Variants in KIF15 observed in about 807,000 individuals in gnomAD.
KIF15 encodes the protein kinesin-like protein KIF15.
A neutral mutation model predicts 190.6 loss-of-function variants in KIF15; 140 were observed. That is an observed-to-expected ratio of 0.73 (90% confidence interval 0.64 to 0.84). The LOEUF is 0.84. Among genes scored for constraint, KIF15 ranks in the 40% least tolerant of loss-of-function variants. The probability of loss-of-function intolerance (pLI) is 0.00; values close to 1 mark genes in which losing one functional copy is unlikely to be tolerated. For missense variants in KIF15, 1,372 were observed against 1,584.4 expected (o/e 0.87, Z 2.28); for synonymous variants, 528 against 551.3 (o/e 0.96, Z 0.59).
chr3:44,771,269 T>C (rs922615510), intron 1 of KIF15, among the ~76,000 whole-genome samples: 2 of 152,152 alleles, frequency 1.3e-5, no homozygotes, highest in African/African-American at 4.8e-5. Flanking sequence ...GATGGGGCCC[T>C]AAGATAATTT....
At chr3:44,827,881 ACCATGTTG>A (rs1365960568) in intron 23 of KIF15, among the ~76,000 whole-genome samples, 2 of 151,920 alleles carry the variant, frequency 1.3e-5, no homozygotes, top group Non-Finnish European at 2.9e-5. Flanking sequence ...ATGGGGTTTC[ACCATGTTG>A]CCCAGGATCG....
At chr3:44,849,659 G>A (rs1698991360) in intron 32 of KIF15, among the ~76,000 whole-genome samples, 2 of 151,628 alleles carry the variant, frequency 1.3e-5, no homozygotes, top group Admixed American at 6.6e-5. Context: ...ATTTTATATT[G>A]ATTTAATATA....
chr3:44,866,796 A>G (rs962078557), intron 6 of KIF15, among the ~76,000 whole-genome samples: 47 of 152,090 alleles, frequency 3.1e-4, no homozygotes, highest in African/African-American at 1.1e-3. Context: ...CTTAGTACCC[A>G]TCTCCCTCAT....
intron 22 of KIF15, chr3:44,827,085 A>G (rs1340452189): frequency 2.2e-6 from 1 of 457,356 alleles, no homozygotes; most frequent in Admixed American, 2.4e-5. Flanking sequence ...ATTTATTGAT[A>G]TCCAACAAGC....
chr3:44,769,588 G>A (rs1408678500), intron 1 of KIF15, among the ~76,000 whole-genome samples: 3 of 152,178 alleles, frequency 2.0e-5, no homozygotes, highest in Admixed American at 2.0e-4. Flanking sequence ...CAGGAGGCTT[G>A]GCTTAATCGG....
At chr3:44,854,372 GAAAA>G, downstream of KIF15, among the ~76,000 whole-genome samples, 1 of 102,984 alleles carries the variant, frequency 9.7e-6, no homozygotes, top group African/African-American at 3.6e-5. Context: ...GCAACAGAGT[GAAAA>G]AAAAAAAAAA....
At chr3:44,789,633 T>C (rs2125920925) in intron 7 of KIF15, among the ~76,000 whole-genome samples, 1 of 132,114 alleles carries the variant, frequency 7.6e-6, no homozygotes, top group East Asian at 2.1e-4. Flanking sequence ...TTGCGATTTT[T>C]GTCTAATTTT....
In KIF15 at chr3:44,810,978, C is replaced by T; in HGVS notation, c.2104C>T (p.Pro702Ser). 2.7e-5 allele frequency: 44 copies of T among 1,613,738 alleles called. No individual in the cohort carries two copies. Among genetic ancestry groups the T allele is most frequent in the Non-Finnish European group, 3.7e-5 (44 of 1,179,792 alleles). Residue 702 changes from proline (P) to serine (S), a missense_variant, in exon 17 of 35, where the codon CCA (proline) becomes TCA (serine). By Grantham distance (74) the Pro-to-Ser change is moderately conservative. Coordinates refer to ENST00000326047, the MANE Select transcript of KIF15 (RefSeq NM_020242.3). Reference protein sequence around the residue: ...SILDNDILNEPVPPEMNEQAF... With the variant: ...SILDNDILNESVPPEMNEQAF... ...ATTAGATAATGATATATTAAATGAG[C>T]CAGTTCCTCCTGAGATGAATGAACA... is the stretch of plus-strand genomic sequence containing the variant.
chr3:44,817,717 A>G (rs1387014732), intron 20 of KIF15, among the ~76,000 whole-genome samples: 3 of 152,128 alleles, frequency 2.0e-5, no homozygotes, highest in Non-Finnish European at 4.4e-5. Flanking sequence ...TTGTCTTGGC[A>G]ATGCGGGCTC....
At chr3:44,765,149 T>C (rs536079997) in intron 1 of KIF15, among the ~76,000 whole-genome samples, 2 of 152,268 alleles carry the variant, frequency 1.3e-5, no homozygotes, top group Non-Finnish European at 2.9e-5. Context: ...TGTGTAGTTT[T>C]AAATTTCACT....
chr3:44,853,743 G>T (rs376237262), downstream of KIF15, among the ~76,000 whole-genome samples: 9 of 152,194 alleles, frequency 5.9e-5, no homozygotes, highest in African/African-American at 2.2e-4. Flanking sequence ...AGCCATCCTA[G>T]GTGTGTAGTT....
chr3:44,835,368 T>C (rs187865482), intron 26 of KIF15, among the ~76,000 whole-genome samples: 34 of 152,228 alleles, frequency 2.2e-4, no homozygotes, highest in Non-Finnish European at 1.5e-4. Flanking sequence ...GCCTCCCAAG[T>C]AGCTGGGACT....
intron 5 of KIF15, among the ~76,000 whole-genome samples, chr3:44,784,574 TCA>T (rs1706320753): frequency 6.6e-6 from 1 of 152,194 alleles, no homozygotes; most frequent in Non-Finnish European, 1.5e-5. Context: ...TAGCCTATGG[TCA>T]CACAGTATGG....
intron 3 of KIF15, among the ~76,000 whole-genome samples, chr3:44,776,800 A>G (rs1345183659): frequency 2.0e-5 from 3 of 152,220 alleles, no homozygotes; most frequent in Non-Finnish European, 4.4e-5. Context: ...AAATGTGACT[A>G]TATGAGTTTA....
At chr3:44,844,584 A>G (rs1698760720) in intron 30 of KIF15, among the ~76,000 whole-genome samples, 1 of 152,242 alleles carries the variant, frequency 6.6e-6, no homozygotes. Flanking sequence ...TCATAAGCTT[A>G]CTACTTTTGC....
rs746471260 is a variant in KIF15, at chr3:44,775,297, C to G, written c.106C>G (p.Pro36Ala). 4.3e-6 allele frequency: 7 copies of G among 1,613,942 alleles called. No homozygotes were observed. The highest frequency in any genetic ancestry group is 5.9e-6 in the Non-Finnish European group (7 of 1,179,972). ...CAAAGTTTTTGTGCGAATTCGTCCT[C>G]CTGCAGAAAGATCTGGGTCAGCTGA... ...AIKVFVRIRP[P>A]AERSGSADGE... The change falls in exon 3 of 35, where the codon CCT (proline) becomes GCT (alanine). Residue 36 changes from proline (P) to alanine (A), a missense_variant. Coordinates refer to ENST00000326047, the MANE Select transcript of KIF15 (RefSeq NM_020242.3).
chr3:44,805,107 C>T lies in KIF15; in HGVS notation c.1768C>T (p.Gln590Ter). The T allele has an allele frequency of 1.2e-6, 2 of 1,613,682 alleles. No individual in the cohort carries two copies. Among genetic ancestry groups the T allele is most frequent in the Non-Finnish European group, 8.5e-7 (1 of 1,179,760 alleles). The stretch of plus-strand genomic sequence containing the variant: ...TGAGAAGTTAAAAGCACAACTCCTG[C>T]AAATTCAGACAGAGCTGAATAATTC... ...NTEKLKAQLL[Q>*]IQTELNNSKQ... is the part of the protein sequence containing the mutation. The change falls in exon 15 of 35, where the codon CAA (glutamine) becomes TAA (stop). Residue 590 changes from glutamine (Q) to a stop codon, truncating the protein, a stop_gained. Transcript: ENST00000326047. LOFTEE classifies it high-confidence loss of function.
At chr3:44,807,377 C>T (rs995581164) in intron 16 of KIF15, among the ~76,000 whole-genome samples, 1 of 151,814 alleles carries the variant, frequency 6.6e-6, no homozygotes, top group African/African-American at 2.4e-5. Context: ...GGCGCCTGCC[C>T]CAACACCCAG....
intron 1 of KIF15, among the ~76,000 whole-genome samples, chr3:44,771,714 G>T (rs1705647961): frequency 6.6e-6 from 1 of 152,184 alleles, no homozygotes; most frequent in Non-Finnish European, 1.5e-5. Context: ...TTTAGCTAAA[G>T]AGCAGATTGG....
Sources: allele counts gnomAD v4.1 joint callset (sites outside exome capture counted in the v4.1 genomes callset), GRCh38; gene constraint gnomAD v4.1.1; transcripts MANE v1.5; gene names NCBI Gene and HGNC (gene_info 2026-07-23, HGNC 2026-07-21).